RIC1: variants seen among roughly 807,000 people sequenced by gnomAD.
RIC1 encodes the protein guanine nucleotide exchange factor subunit RIC1.
RIC1 carries 88 observed loss-of-function variants against 169.0 expected under a neutral mutation model. The ratio of observed to expected loss-of-function variants is 0.52; its 90% CI spans 0.44 to 0.62. The LOEUF (loss-of-function observed/expected upper bound fraction) is 0.62. RIC1 is among the 20% of genes least tolerant of loss of function. The pLI is 0.00. For missense variants in RIC1, 1,877 were observed against 1,725.5 expected, an observed-to-expected ratio of 1.09 and a Z score of -1.56; for synonymous variants, 790 against 601.5, an observed-to-expected ratio of 1.31 and a Z score of -4.59.
At chr9:5,697,577 C>A (rs1821977463) in intron 3 of RIC1, among the ~76,000 whole-genome samples, 1 of 152,108 alleles carries the variant, frequency 6.6e-6, no homozygotes, top group South Asian at 2.1e-4. Context: ...TCCAAAAATA[C>A]TTTTTATTAT....
chr9:5,665,621 T>A (rs895835043), intron 2 of RIC1, among the ~76,000 whole-genome samples: 10 of 152,292 alleles, frequency 6.6e-5, no homozygotes, highest in Admixed American at 2.0e-4. Context: ...GAATGGGGTT[T>A]TTTGTAGGGT....
chr9:5,683,914 G>C (rs1257814977), intron 2 of RIC1, among the ~76,000 whole-genome samples: 1 of 152,184 alleles, frequency 6.6e-6, no homozygotes, highest in Non-Finnish European at 1.5e-5. Context: ...AGCAATGAGC[G>C]AGGCTCCGTG....
At chr9:5,681,520 A>G (rs1461954804) in intron 2 of RIC1, among the ~76,000 whole-genome samples, 2 of 152,078 alleles carry the variant, frequency 1.3e-5, no homozygotes, top group Non-Finnish European at 2.9e-5. Flanking sequence ...GTTTGTTATA[A>G]TTTCTGTTCT....
intron 1 of RIC1, among the ~76,000 whole-genome samples, chr9:5,634,003 G>A (rs1817849578): frequency 6.6e-6 from 1 of 151,954 alleles, no homozygotes; most frequent in Admixed American, 6.6e-5. Context: ...TTTTTGTCTT[G>A]CTTACTTAGT....
chr9:5,631,937 G>T (rs1266634588), intron 1 of RIC1, among the ~76,000 whole-genome samples: 1 of 152,124 alleles, frequency 6.6e-6, no homozygotes, highest in African/African-American at 2.4e-5. Context: ...AAATTAAAGG[G>T]CTATCAGTTA....
chr9:5,754,640 A>G (rs1177253771), intron 14 of RIC1, among the ~76,000 whole-genome samples: 1 of 152,184 alleles, frequency 6.6e-6, no homozygotes, highest in Admixed American at 6.5e-5. Flanking sequence ...CTGAGACATG[A>G]GAATTCCTTG....
chr9:5,647,724 G>A (rs1818587488), intron 1 of RIC1, among the ~76,000 whole-genome samples: 1 of 152,112 alleles, frequency 6.6e-6, no homozygotes. Context: ...TTCCAAGTTA[G>A]ATTTATTTTA....
At chr9:5,741,175 T>C (rs1307484271) in intron 8 of RIC1, among the ~76,000 whole-genome samples, 1 of 152,210 alleles carries the variant, frequency 6.6e-6, no homozygotes, top group African/African-American at 2.4e-5. Flanking sequence ...CCATTGGATT[T>C]CCATTGCAGC....
Position 5,656,628 on chromosome 9 carries a change from A to T in RIC1, c.190A>T (p.Thr64Ser). The change falls in exon 2 of 26, where the codon ACT (threonine) becomes TCT (serine). Residue 64 changes from threonine (T) to serine (S), a missense_variant. By Grantham distance (58) the Thr-to-Ser change is moderately conservative. Transcript: ENST00000414202. ...VTYKEPAKSSTQFGSYKQAEW... is the reference protein window; with the variant it reads ...VTYKEPAKSSSQFGSYKQAEW... ...CTACAAGGAGCCTGCAAAATCATCT[A>T]CTCAGTTTGGATCCTACAAGCAAGC... The T allele has an allele frequency of 1.9e-6, 3 of 1,609,388 alleles. No individual in the cohort carries two copies. Among genetic ancestry groups the T allele is most frequent in the African/African-American group, 1.3e-5 (1 of 74,678 alleles).
At chr9:5,679,706 G>A (rs1820695004) in intron 2 of RIC1, among the ~76,000 whole-genome samples, 1 of 152,218 alleles carries the variant, frequency 6.6e-6, no homozygotes. Flanking sequence ...CTGAGACTTT[G>A]CTGAAGTTGC....
intron 12 of RIC1, among the ~76,000 whole-genome samples, chr9:5,747,855 C>T (rs1315429291): frequency 6.6e-6 from 1 of 152,132 alleles, no homozygotes; most frequent in East Asian, 1.9e-4. Context: ...GTAATAATCT[C>T]ATGGAAAGTG....
At chr9:5,642,040 G>A (rs1818277860) in intron 1 of RIC1, among the ~76,000 whole-genome samples, 1 of 144,454 alleles carries the variant, frequency 6.9e-6, no homozygotes, top group South Asian at 2.1e-4. Flanking sequence ...AGTCTTTGCA[G>A]TCTGGGCTTG....
chr9:5,654,028 C>A lies in RIC1; in HGVS notation c.145-2555C>A, dbSNP rs1164692077. On this transcript the variant is annotated intron_variant, in intron 1 of 25. Coordinates refer to ENST00000414202, the MANE Select transcript of RIC1 (RefSeq NM_020829.4). Reference sequence around the variant, plus strand: ...ATTTTTTATGTTTTTGAGACAGCATCTTACTCTATCACTTAGGCTGGAGTG... The same window carrying A: ...ATTTTTTATGTTTTTGAGACAGCATATTACTCTATCACTTAGGCTGGAGTG... Among the ~76,000 whole-genome samples, 3 of 152,186 alleles carry A rather than the reference C, an allele frequency of 2.0e-5. No individual in the cohort carries two copies. In the East Asian group the frequency reaches 5.8e-4, roughly 29 times the overall value.
At chr9:5,730,049 A>C (rs1020371550) in intron 6 of RIC1, among the ~76,000 whole-genome samples, 1 of 152,192 alleles carries the variant, frequency 6.6e-6, no homozygotes, top group Non-Finnish European at 1.5e-5. Flanking sequence ...TTTAAAAACT[A>C]ATGAAAAGCA....
intron 1 of RIC1, among the ~76,000 whole-genome samples, chr9:5,637,450 C>G (rs1208988870): frequency 6.6e-6 from 1 of 152,168 alleles, no homozygotes; most frequent in Non-Finnish European, 1.5e-5. Flanking sequence ...AGCATTTAAC[C>G]TTCATGTTCC....
chr9:5,769,190 T>C lies in RIC1; in HGVS notation c.3358T>C (p.Trp1120Arg). 6.2e-7 allele frequency: 1 copy of C among 1,614,106 alleles called. No individual in the cohort carries two copies. The highest frequency in any genetic ancestry group is 8.5e-7 in the Non-Finnish European group (1 of 1,179,976). Residue 1120 changes from tryptophan (W) to arginine (R), a missense_variant, in exon 22 of 26, where the codon TGG becomes CGG. By Grantham distance (101) the Trp-to-Arg change is moderately radical. This residue lies in a region of RIC1 where 681 missense variants were observed against 582.0 expected (regional missense o/e 1.17). Transcript: ENST00000414202. ...ALKRLHKDFLWPLPIIPASSI... is the reference protein window; with the variant it reads ...ALKRLHKDFLRPLPIIPASSI... ...GAAGAGACTCCACAAAGATTTCCTG[T>C]GGCCACTTCCAATCATCCCAGCCTC...
chr9:5,653,089 A>G (rs1766453805), intron 1 of RIC1, among the ~76,000 whole-genome samples: 1 of 152,178 alleles, frequency 6.6e-6, no homozygotes, highest in Non-Finnish European at 1.5e-5. Flanking sequence ...TTGGTTTGCT[A>G]CCATTTTGTT....
At chr9:5,695,755 G>A (rs1325734294) in intron 3 of RIC1, among the ~76,000 whole-genome samples, 2 of 151,850 alleles carry the variant, frequency 1.3e-5, no homozygotes, top group African/African-American at 4.8e-5. Context: ...ATTTTTAGTA[G>A]AGACGGGGTT....
intron 1 of RIC1, among the ~76,000 whole-genome samples, chr9:5,636,439 C>T (rs77544447): frequency 2.6e-5 from 4 of 152,260 alleles, no homozygotes; most frequent in African/African-American, 9.6e-5. Context: ...CCTGCCCCAG[C>T]CTCCTGAGTA....
Sources: allele counts gnomAD v4.1 joint callset (sites outside exome capture counted in the v4.1 genomes callset), GRCh38; gene constraint gnomAD v4.1.1; regional missense constraint gnomAD v4.1.1; transcripts MANE v1.5; gene names NCBI Gene and HGNC (gene_info 2026-07-23, HGNC 2026-07-21).